Variants in RUBCN observed in about 807,000 individuals in gnomAD.
RUBCN encodes run domain Beclin-1-interacting and cysteine-rich domain-containing protein.
A neutral mutation model predicts 113.2 loss-of-function variants in RUBCN; 74 were observed. That is an observed-to-expected ratio of 0.65 (90% CI 0.54 to 0.79). RUBCN has a LOEUF of 0.79. RUBCN is among the 30% of genes least tolerant of loss of function. The probability of loss-of-function intolerance (pLI) is 0.00; values close to 1 mark genes in which losing one functional copy is unlikely to be tolerated. For synonymous variants in RUBCN, 480 were observed against 490.0 expected, an observed-to-expected ratio of 0.98 and a Z score of 0.27; for missense variants, 1,109 against 1,251.7, an observed-to-expected ratio of 0.89 and a Z score of 1.72.
At chr3:197,703,063 T>C (rs911266291) in intron 5 of RUBCN, among the ~76,000 whole-genome samples, 4 of 152,002 alleles carry the variant, frequency 2.6e-5, no homozygotes, top group African/African-American at 9.7e-5. Context: ...GACTTTCTAC[T>C]TCAATAGGTA....
upstream of RUBCN, among the ~76,000 whole-genome samples, chr3:197,740,002 T>C (rs1047349051): frequency 1.3e-5 from 2 of 151,940 alleles, no homozygotes; most frequent in Admixed American, 6.5e-5. Flanking sequence ...ATTGTACCAC[T>C]GCACTCCACC....
chr3:197,707,288 C>T (rs993782538), intron 2 of RUBCN, among the ~76,000 whole-genome samples: 5 of 151,750 alleles, frequency 3.3e-5, no homozygotes, highest in African/African-American at 1.2e-4. Context: ...GCCGAGATGG[C>T]GCCACTGCAC....
chr3:197,691,773 A>G (rs1722447703), intron 11 of RUBCN, among the ~76,000 whole-genome samples: 1 of 151,780 alleles, frequency 6.6e-6, no homozygotes, highest in Non-Finnish European at 1.5e-5. Flanking sequence ...TTACCTCACT[A>G]TTCTCCTCCT....
At chr3:197,699,806 T>G (rs1723434796) in intron 7 of RUBCN, among the ~76,000 whole-genome samples, 1 of 152,180 alleles carries the variant, frequency 6.6e-6, no homozygotes, top group African/African-American at 2.4e-5. Context: ...CCCCTCTTTT[T>G]TTTAGGTCCT....
At position 197,681,745 on chromosome 3, in the gene RUBCN, G is replaced by GCTAC; in HGVS notation, c.2191+86_2191+89dup. On this transcript the variant is annotated intron_variant, in intron 15 of 19. Coordinates refer to ENST00000296343, the MANE Select transcript of RUBCN (RefSeq NM_014687.4). This position sits in a 1 kb window ranked among gnomAD's most constrained non-coding sequence, Gnocchi z 5.5. ...CCCTACTTCTGCCACGCCACCTCCT[G>GCTAC]CTACCGCCTTTGACACGCCACCTCT... 8.5e-7 allele frequency: 1 copy of GCTAC among 1,175,190 alleles called. No individual in the cohort carries two copies. The allele number at this position is 1,175,190 out of a possible 1,614,324, so 72.8% of individuals were successfully genotyped here.
At chr3:197,712,603 C>T (rs180984104) in intron 2 of RUBCN, among the ~76,000 whole-genome samples, 25 of 152,240 alleles carry the variant, frequency 1.6e-4, no homozygotes, top group Non-Finnish European at 2.2e-4. Context: ...GAAACCGGCA[C>T]GGATCTTTTG....
intron 11 of RUBCN, among the ~76,000 whole-genome samples, chr3:197,689,314 C>T (rs1016297367): frequency 2.0e-5 from 3 of 152,166 alleles, no homozygotes; most frequent in South Asian, 2.1e-4. Flanking sequence ...CTGACATAAA[C>T]AGTCAGTATG....
intron 7 of RUBCN, chr3:197,700,379 A>T: frequency 1.7e-6 from 1 of 588,818 alleles, no homozygotes; most frequent in Non-Finnish European, 3.0e-6. Flanking sequence ...CCAAACTAGT[A>T]AAGAATCCAG....
rs753194870 is a variant in RUBCN at position 197,676,083 on chromosome 3, A to G, written c.2647-568T>C. The G allele has an allele frequency of 6.4e-4, 380 of 591,248 alleles. 1 individual carries two copies. The highest frequency in any genetic ancestry group is 7.7e-4 in the Non-Finnish European group (360 of 465,226). The allele number at this position is 591,248 out of a possible 1,614,324, so 36.6% of individuals were successfully genotyped here. A position where few individuals can be genotyped will look rare whatever the true frequency, so the allele number is the denominator to read the frequency against. The stretch of plus-strand genomic sequence containing the variant: ...TCAACATGTTGAGTAGATGACGACA[A>G]TAACGACGTGCGTTTGAGGAATACA... On this transcript the variant is annotated intron_variant, in intron 18 of 19. Coordinates refer to ENST00000296343, the MANE Select transcript of RUBCN (RefSeq NM_014687.4).
chr3:197,684,335 CTA>C (rs1560412066), intron 11 of RUBCN, 118 bp from the exon 12 acceptor site: 1 of 806,068 alleles, frequency 1.2e-6, no homozygotes, highest in Non-Finnish European at 2.2e-6. Flanking sequence ...GTGCCACACT[CTA>C]TGCAGGAGAA....
intron 9 of RUBCN, among the ~76,000 whole-genome samples, chr3:197,695,520 G>A (rs1002392134): frequency 2.0e-5 from 3 of 152,140 alleles, no homozygotes; most frequent in South Asian, 2.1e-4. Context: ...AGGATTGCTC[G>A]AGCCCAGGAA....
At position 197,707,224 on chromosome 3, in the gene RUBCN, C is replaced by CG. The variant is rs542070093; in HGVS notation, c.220-2050dup. Among the ~76,000 whole-genome samples the CG allele has an allele frequency of 6.6e-4, 100 of 151,824 alleles. 1 individual carries two copies. In the South Asian group the frequency reaches 0.014, roughly 21 times the overall value. ...GTGGGCGCCTGTAGTCCCAGCTACT[C>CG]GGGGGGCTGAGGCAGGAGAATGGCA... On this transcript the variant is annotated intron_variant, in intron 2 of 19. Coordinates refer to ENST00000296343, the MANE Select transcript of RUBCN (RefSeq NM_014687.4).
At chr3:197,699,926 C>T (rs1441654520) in intron 7 of RUBCN, among the ~76,000 whole-genome samples, 5 of 152,110 alleles carry the variant, frequency 3.3e-5, no homozygotes, top group African/African-American at 1.2e-4. Flanking sequence ...GATCCTACTA[C>T]AAACAAAACC....
intron 1 of RUBCN, among the ~76,000 whole-genome samples, chr3:197,745,725 AG>A (rs1728715941): frequency 6.6e-6 from 1 of 152,088 alleles, no homozygotes; most frequent in Non-Finnish European, 1.5e-5. Context: ...AAAAGGAGCC[AG>A]AAAGTGTTAA....
intron 1 of RUBCN, among the ~76,000 whole-genome samples, chr3:197,743,282 T>C (rs1414168368): frequency 6.6e-6 from 1 of 151,312 alleles, no homozygotes; most frequent in Non-Finnish European, 1.5e-5. Context: ...TGCCACCCCG[T>C]CTGTCATGTT....
chr3:197,726,666 A>G (rs1321233030), intron 1 of RUBCN, among the ~76,000 whole-genome samples: 1 of 150,976 alleles, frequency 6.6e-6, no homozygotes, highest in African/African-American at 2.4e-5. Context: ...CAGCCTCCTG[A>G]GTAGCTGGGG....
intron 1 of RUBCN, among the ~76,000 whole-genome samples, chr3:197,743,607 G>GA (rs1395312588): frequency 2.6e-5 from 4 of 152,172 alleles, no homozygotes; most frequent in Non-Finnish European, 5.9e-5. Context: ...AGGTAGAATG[G>GA]AAAAAATTGA....
chr3:197,732,176 TAC>T (rs903938733), intron 1 of RUBCN, among the ~76,000 whole-genome samples: 2 of 152,190 alleles, frequency 1.3e-5, no homozygotes, highest in Admixed American at 1.3e-4. Flanking sequence ...CACTGAGCAG[TAC>T]ATGTACCTGA....
rs1025716092 is a variant in RUBCN, at chr3:197,681,215, T to C, written c.2344A>G (p.Ile782Val). Residue 782 changes from isoleucine (I) to valine (V), a missense_variant, in exon 16 of 20, where the codon ATT (isoleucine) becomes GTT (valine). Ile to Val is a conservative substitution (Grantham distance 29, BLOSUM62 3). Transcript: ENST00000296343. This position sits in a 1 kb window ranked among gnomAD's most constrained non-coding sequence, Gnocchi z 5.5. ...AAGAGAGGATCATTCCAGATCTTAATGAGCAGGTCCTTGGAGAAGTTGCTG... is the reference window on the plus strand; with the variant it reads ...AAGAGAGGATCATTCCAGATCTTAACGAGCAGGTCCTTGGAGAAGTTGCTG... ...YVSNFSKDLL[I>V]KIWNDPLFNV... is the part of the protein sequence containing the mutation. The C allele has an allele frequency of 3.1e-6, 5 of 1,614,166 alleles. No individual in the cohort carries two copies. The highest frequency in any genetic ancestry group is 2.2e-5 in the East Asian group (1 of 44,880).
Sources: allele counts gnomAD v4.1 joint callset (sites outside exome capture counted in the v4.1 genomes callset), GRCh38; gene constraint gnomAD v4.1.1; non-coding constraint Gnocchi (gnomAD v3.1); transcripts MANE v1.5; gene names NCBI Gene and HGNC (gene_info 2026-07-23, HGNC 2026-07-21).